The following RPH3A variants were observed in gnomAD, a reference collection of about 807,000 sequenced individuals.
RPH3A encodes the protein rabphilin 3A, also known as rabphilin-3A.
In RPH3A, 48 loss-of-function variants were observed where a neutral mutation model predicts 102.2. The observed-to-expected ratio is 0.47, with a 90% CI of 0.37 to 0.60. The LOEUF is 0.60. Ranked by LOEUF, RPH3A falls within the 20% of genes least tolerant of loss-of-function variation. The pLI is 0.00. For synonymous variants in RPH3A, 310 were observed against 324.3 expected, an observed-to-expected ratio of 0.96 and a Z score of 0.47; for missense variants, 781 against 910.1, an observed-to-expected ratio of 0.86 and a Z score of 1.83.
intron 1 of RPH3A, among the ~76,000 whole-genome samples, chr12:112,588,337 G>T (rs1338679973): frequency 6.6e-6 from 1 of 152,148 alleles, no homozygotes; most frequent in African/African-American, 2.4e-5. Flanking sequence ...GGCTGGAGAG[G>T]CCTCACAATC....
chr12:112,724,036 T>G (rs1355283833), intron 1 of RPH3A, among the ~76,000 whole-genome samples: 1 of 151,104 alleles, frequency 6.6e-6, no homozygotes, highest in Non-Finnish European at 1.5e-5. Flanking sequence ...ACTTAACTTT[T>G]TCTTAAATTT....
intron 1 of RPH3A, among the ~76,000 whole-genome samples, chr12:112,630,084 C>T (rs2039793401): frequency 6.6e-6 from 1 of 151,986 alleles, no homozygotes; most frequent in African/African-American, 2.4e-5. Flanking sequence ...GGTAATAGAT[C>T]CTCCTGTCCA....
intron 1 of RPH3A, among the ~76,000 whole-genome samples, chr12:112,629,728 G>A (rs2039790891): frequency 1.3e-5 from 2 of 151,428 alleles, no homozygotes; most frequent in Non-Finnish European, 2.9e-5. Context: ...CCTCCCACCT[G>A]GGCCTTTCAA....
At chr12:112,875,563 G>C (rs1231923272) in intron 11 of RPH3A, 116 bp from the exon 12 acceptor site, 2 of 836,752 alleles carry the variant, frequency 2.4e-6, no homozygotes, top group Non-Finnish European at 3.9e-6. Flanking sequence ...GCAGCCTCGG[G>C]TACCTTTCTG....
intron 5 of RPH3A, among the ~76,000 whole-genome samples, chr12:112,853,304 T>G (rs544498459): frequency 6.6e-6 from 1 of 152,214 alleles, no homozygotes; most frequent in Non-Finnish European, 1.5e-5. Flanking sequence ...TCTTCAACAT[T>G]CTATGGATGG....
At position 112,754,710 on chromosome 12, in the gene RPH3A, C is replaced by T. The variant is rs899522083; in HGVS notation, c.-139-37433C>T. Among the ~76,000 whole-genome samples the T allele has an allele frequency of 2.0e-5, 3 of 152,116 alleles. No homozygotes were observed. The East Asian group carries it at 5.8e-4, about 29-fold the overall frequency. On this transcript the variant is annotated intron_variant, in intron 1 of 21. Transcript: ENST00000543106. ...AGGAAAGCAAAACTTTTCTTAGTAC[C>T]ATAAGAAATATCTCCCTATATTTTT... is the stretch of plus-strand genomic sequence containing the variant.
At chr12:112,832,740 C>T (rs918789301) in intron 3 of RPH3A, among the ~76,000 whole-genome samples, 2 of 152,090 alleles carry the variant, frequency 1.3e-5, no homozygotes, top group Non-Finnish European at 2.9e-5. Flanking sequence ...CTACTCAGGA[C>T]GCTGAAGCAG....
At chr12:112,644,030 G>A (rs747222314) in intron 1 of RPH3A, among the ~76,000 whole-genome samples, 1 of 152,196 alleles carries the variant, frequency 6.6e-6, no homozygotes, top group African/African-American at 2.4e-5. Flanking sequence ...TATCTTAAGT[G>A]AAATCACTCA....
intron 1 of RPH3A, among the ~76,000 whole-genome samples, chr12:112,733,376 G>A (rs2136050126): frequency 6.6e-6 from 1 of 152,240 alleles, no homozygotes; most frequent in African/African-American, 2.4e-5. Context: ...AGGTGTGTTA[G>A]GCCTTCTTGG....
At chr12:112,870,493 A>T (rs1213685666) in intron 10 of RPH3A, among the ~76,000 whole-genome samples, 1 of 151,646 alleles carries the variant, frequency 6.6e-6, no homozygotes, top group African/African-American at 2.4e-5. Context: ...GGTACCTCAC[A>T]TTTCTGGCCT....
At chr12:112,758,252 G>A (rs2040834029) in intron 1 of RPH3A, among the ~76,000 whole-genome samples, 1 of 152,184 alleles carries the variant, frequency 6.6e-6, no homozygotes, top group African/African-American at 2.4e-5. Context: ...GCAATACCAG[G>A]CAACTGACCA....
intron 1 of RPH3A, among the ~76,000 whole-genome samples, chr12:112,683,071 C>T (rs539455012): frequency 1.4e-4 from 22 of 152,280 alleles, no homozygotes; most frequent in South Asian, 6.2e-4. Flanking sequence ...GTAATCACCA[C>T]GAAGTGTATC....
chr12:112,821,839 AAC>A (rs1249679407), intron 2 of RPH3A, among the ~76,000 whole-genome samples: 1 of 152,202 alleles, frequency 6.6e-6, no homozygotes, highest in African/African-American at 2.4e-5. Flanking sequence ...CTGTGCCTAG[AAC>A]AGTGTCTGGC....
chr12:112,857,591 C>T (rs1191667859), intron 5 of RPH3A, among the ~76,000 whole-genome samples: 1 of 152,144 alleles, frequency 6.6e-6, no homozygotes, highest in Non-Finnish European at 1.5e-5. Context: ...GGAACAGATT[C>T]TCTCCTAGAG....
chr12:112,740,770 C>T (rs975950552), intron 1 of RPH3A, among the ~76,000 whole-genome samples: 1 of 152,170 alleles, frequency 6.6e-6, no homozygotes, highest in Non-Finnish European at 1.5e-5. Flanking sequence ...CGCGGAGTTC[C>T]ATTTTGCATC....
At chr12:112,806,714 T>C (rs926444244) in intron 2 of RPH3A, among the ~76,000 whole-genome samples, 1 of 152,106 alleles carries the variant, frequency 6.6e-6, no homozygotes, top group Non-Finnish European at 1.5e-5. Context: ...CATCTTCTAG[T>C]TGGTCGTTTA....
At chr12:112,646,352 T>C (rs1343847202) in intron 1 of RPH3A, among the ~76,000 whole-genome samples, 1 of 152,174 alleles carries the variant, frequency 6.6e-6, no homozygotes, top group African/African-American at 2.4e-5. Context: ...CTCTCTCAGT[T>C]CTAGATGTTA....
intron 1 of RPH3A, among the ~76,000 whole-genome samples, chr12:112,775,170 A>G (rs2040957301): frequency 1.3e-5 from 2 of 152,156 alleles, no homozygotes; most frequent in Non-Finnish European, 1.5e-5. Context: ...ATGTTTACCT[A>G]TGTAACAAAG....
chr12:112,867,341 C>T (rs2042628996), intron 7 of RPH3A, among the ~76,000 whole-genome samples: 1 of 152,144 alleles, frequency 6.6e-6, no homozygotes, highest in Non-Finnish European at 1.5e-5. Flanking sequence ...CTGCTTCTTA[C>T]TCATCTTACC....
Sources: gnomAD v4.1 joint callset for allele counts (sites outside exome capture counted in the v4.1 genomes callset) on GRCh38, gnomAD v4.1.1 for gene constraint, MANE v1.5 for transcripts, NCBI Gene and HGNC (gene_info 2026-07-23, HGNC 2026-07-21) for gene names.